Variants in MTMR14 observed in about 807,000 individuals in gnomAD.
MTMR14 encodes myotubularin related protein 14, also known as phosphatidylinositol-3,5-bisphosphate 3-phosphatase MTMR14.
In MTMR14, 48 loss-of-function variants were observed where a neutral mutation model predicts 86.3. The ratio of observed to expected loss-of-function variants is 0.56; its 90% CI spans 0.44 to 0.71. MTMR14 has a LOEUF of 0.71. Among genes scored for constraint, MTMR14 ranks in the 30% least tolerant of loss-of-function variants. The pLI is 0.00. For missense variants in MTMR14, 780 were observed against 834.6 expected (o/e 0.93, Z 0.81); for synonymous variants, 366 against 326.1 (o/e 1.12, Z -1.32).
intron 2 of MTMR14, among the ~76,000 whole-genome samples, chr3:9,657,380 G>T (rs1402225173): frequency 1.3e-5 from 2 of 152,120 alleles, no homozygotes; most frequent in Non-Finnish European, 2.9e-5. Context: ...GAAACGTAGT[G>T]GTGGTTGCCT....
intron 3 of MTMR14, among the ~76,000 whole-genome samples, chr3:9,668,458 C>G (rs918675213): frequency 6.6e-6 from 1 of 152,186 alleles, no homozygotes; most frequent in Non-Finnish European, 1.5e-5. Context: ...GGTACACATG[C>G]AACAACCACC....
At chr3:9,661,852 C>T (rs866858159) in intron 2 of MTMR14, among the ~76,000 whole-genome samples, 2 of 151,696 alleles carry the variant, frequency 1.3e-5, no homozygotes, top group Non-Finnish European at 1.5e-5. Context: ...TTTGGGAGGC[C>T]GAGGTGGGCG....
chr3:9,699,330 C>G (rs1249966069), intron 18 of MTMR14: 3 of 152,198 alleles, frequency 2.0e-5, no homozygotes, highest in African/African-American at 7.2e-5. Flanking sequence ...AGCCCCAGAT[C>G]ACCCACCCTA....
intron 2 of MTMR14, among the ~76,000 whole-genome samples, chr3:9,658,819 C>A (rs2047758444): frequency 6.6e-6 from 1 of 152,096 alleles, no homozygotes; most frequent in Non-Finnish European, 1.5e-5. Context: ...AACAAGCCAC[C>A]CAGTTTGGTA....
At chr3:9,651,746 A>G (rs2047309381) in intron 1 of MTMR14, among the ~76,000 whole-genome samples, 1 of 151,898 alleles carries the variant, frequency 6.6e-6, no homozygotes, top group Non-Finnish European at 1.5e-5. Flanking sequence ...GCTCGCTGCA[A>G]CTTCCACCTC....
chr3:9,671,022 C>A, intron 5 of MTMR14, 26 bp from the exon 6 acceptor site: 1 of 1,613,962 alleles, frequency 6.2e-7, no homozygotes, highest in Non-Finnish European at 8.5e-7. Flanking sequence ...TGCCATGTAA[C>A]TTCTCCCTCT....
chr3:9,690,449 G>C (rs544694573), intron 17 of MTMR14, among the ~76,000 whole-genome samples: 1 of 152,238 alleles, frequency 6.6e-6, no homozygotes, highest in Non-Finnish European at 1.5e-5. Flanking sequence ...CAGCCTCCTA[G>C]GCGCACCTCC....
At chr3:9,651,689 G>C (rs1004608025) in intron 1 of MTMR14, among the ~76,000 whole-genome samples, 18 of 151,750 alleles carry the variant, frequency 1.2e-4, no homozygotes, top group African/African-American at 3.9e-4. Context: ...TTTTTCAGAA[G>C]GAGTCTCCCT....
At chr3:9,664,523 T>C (rs1159701453) in intron 3 of MTMR14, among the ~76,000 whole-genome samples, 1 of 151,834 alleles carries the variant, frequency 6.6e-6, no homozygotes, top group Non-Finnish European at 1.5e-5. Context: ...GATGAATGGA[T>C]AAAGAAAATA....
At chr3:9,650,603 C>G (rs887121568) in intron 1 of MTMR14, 16 of 287,616 alleles carry the variant, frequency 5.6e-5, no homozygotes, top group African/African-American at 3.5e-4. Flanking sequence ...AAGGATTGGA[C>G]TTCCTCACTC....
chr3:9,670,218 A>G (rs947207921), intron 5 of MTMR14, among the ~76,000 whole-genome samples: 1 of 152,228 alleles, frequency 6.6e-6, no homozygotes, highest in African/African-American at 2.4e-5. Context: ...ATCATAGTTC[A>G]GTTCATGAAA....
In MTMR14 at chr3:9,701,810, G is replaced by T; in HGVS notation, c.1790G>T (p.Arg597Leu). 6.2e-7 allele frequency: 1 copy of T among 1,613,838 alleles called. No homozygotes were observed. Among genetic ancestry groups the T allele is most frequent in the South Asian group, 1.1e-5 (1 of 91,072 alleles). ...NSCLLAALSDRETRLQEVRSA... is the reference protein window; with the variant it reads ...NSCLLAALSDLETRLQEVRSA... ...CATAGGCTTGCAGCCCTGAGTGATC[G>T]AGAGACTCGGCTGCAGGAGGTGCGC... is the stretch of plus-strand genomic sequence containing the variant. The change falls in exon 19 of 19, where the codon CGA becomes CTA. Residue 597 changes from arginine to leucine, a missense_variant. By Grantham distance (102) the Arg-to-Leu change is moderately radical (BLOSUM62 -2). Transcript: ENST00000296003. The surrounding 1 kb of genome is among the most constrained non-coding windows in gnomAD (Gnocchi z 4.2).
At chr3:9,674,345 A>T (rs1332294650) in intron 7 of MTMR14, among the ~76,000 whole-genome samples, 1 of 152,246 alleles carries the variant, frequency 6.6e-6, no homozygotes, top group Non-Finnish European at 1.5e-5. Flanking sequence ...ATAATTGGTC[A>T]TTAGGCTGTA....
At position 9,697,821 on chromosome 3, in the gene MTMR14, C is replaced by G. The variant is rs533142320; in HGVS notation, c.1724C>G (p.Ser575Cys). The G allele has an allele frequency of 1.1e-5, 17 of 1,614,228 alleles. No homozygotes were observed. In the South Asian group the frequency reaches 1.8e-4, roughly 17 times the overall value. The part of the protein sequence containing the change: ...IQERAVLHTD[S>C]SLPFSFPDEL... The stretch of plus-strand genomic sequence containing the variant: ...GAGCGGGCTGTCCTGCACACAGACT[C>G]CTCTCTCCCTTTCAGCTTCCCGGAT... The change falls in exon 18 of 19, where the codon TCC (serine) becomes TGC (cysteine). Residue 575 changes from serine to cysteine, a missense_variant. Ser to Cys is a moderately radical substitution (Grantham distance 112). Transcript: ENST00000296003.
chr3:9,686,231 TC>T (rs2075948423), intron 13 of MTMR14, among the ~76,000 whole-genome samples: 1 of 152,182 alleles, frequency 6.6e-6, no homozygotes, highest in Admixed American at 6.5e-5. Flanking sequence ...CTCCGTGAAC[TC>T]CCTCAGAGGC....
At chr3:9,674,984 G>C (rs751091394) in intron 7 of MTMR14, among the ~76,000 whole-genome samples, 1 of 152,278 alleles carries the variant, frequency 6.6e-6, no homozygotes, top group Non-Finnish European at 1.5e-5. Context: ...GGTGGCGCAT[G>C]CCTGTAATCC....
intron 17 of MTMR14, among the ~76,000 whole-genome samples, chr3:9,697,456 G>GCCA (rs1299429145): frequency 1.3e-5 from 2 of 152,118 alleles, no homozygotes; most frequent in Non-Finnish European, 2.9e-5. Context: ...CACTCTTACT[G>GCCA]CCATGCTTTG....
At chr3:9,665,935 G>A (rs2048227909) in intron 3 of MTMR14, among the ~76,000 whole-genome samples, 1 of 151,686 alleles carries the variant, frequency 6.6e-6, no homozygotes. Context: ...CACGGTGTTA[G>A]CCAGGATGGT....
At chr3:9,671,389 A>G (rs1023586237) in intron 6 of MTMR14, among the ~76,000 whole-genome samples, 10 of 152,312 alleles carry the variant, frequency 6.6e-5, no homozygotes, top group Admixed American at 1.3e-4. Context: ...CTCAGGTTGT[A>G]TGTTAGTGAC....
Sources: allele counts gnomAD v4.1 joint callset (sites outside exome capture counted in the v4.1 genomes callset), GRCh38; gene constraint gnomAD v4.1.1; non-coding constraint Gnocchi (gnomAD v3.1); transcripts MANE v1.5; gene names NCBI Gene and HGNC (gene_info 2026-07-23, HGNC 2026-07-21).